The following CLYBL variants were observed in gnomAD, a reference collection of about 807,000 sequenced individuals.
The protein encoded by CLYBL is citramalyl-CoA lyase.
A neutral mutation model predicts 38.9 loss-of-function variants in CLYBL; 31 were observed. The ratio of observed to expected loss-of-function variants is 0.80; its 90% CI spans 0.60 to 1.08. The LOEUF (loss-of-function observed/expected upper bound fraction) is 1.08, where lower values mean the gene tolerates loss of function less well. Ranked by LOEUF, CLYBL falls within the 50% of genes least tolerant of loss-of-function variation. CLYBL has a pLI of 0.00. For synonymous variants in CLYBL, 171 were observed against 158.6 expected (o/e 1.08, Z -0.59); for missense variants, 434 against 411.6 (o/e 1.05, Z -0.47).
intron 1 of CLYBL, among the ~76,000 whole-genome samples, chr13:99,726,850 C>T (rs1001252927): frequency 5.9e-5 from 9 of 152,130 alleles, no homozygotes; most frequent in African/African-American, 2.2e-4. Flanking sequence ...AAAAGGCGTG[C>T]AAGGATGTAC....
intron 2 of CLYBL, among the ~76,000 whole-genome samples, chr13:99,810,415 G>C (rs2050317783): frequency 6.6e-6 from 1 of 152,212 alleles, no homozygotes; most frequent in Non-Finnish European, 1.5e-5. Context: ...GTGGGGTACA[G>C]TGGGGAGTGG....
chr13:99,878,213 G>A (rs1413304516), intron 7 of CLYBL, among the ~76,000 whole-genome samples: 2 of 152,316 alleles, frequency 1.3e-5, no homozygotes, highest in East Asian at 3.9e-4. Context: ...GAAAGAAGAT[G>A]TTTCCATCAA....
At chr13:99,858,309 C>A (rs1375892327) in intron 2 of CLYBL, among the ~76,000 whole-genome samples, 1 of 152,154 alleles carries the variant, frequency 6.6e-6, no homozygotes, top group Non-Finnish European at 1.5e-5. Flanking sequence ...TTCCTGTGAG[C>A]ATCTTCTTAA....
chr13:99,759,562 A>G (rs1445895755), intron 1 of CLYBL, among the ~76,000 whole-genome samples: 1 of 152,130 alleles, frequency 6.6e-6, no homozygotes. Flanking sequence ...CAGTGCAGAG[A>G]GATGTGAGAC....
At chr13:99,717,751 T>G (rs919260220) in intron 1 of CLYBL, among the ~76,000 whole-genome samples, 2 of 151,776 alleles carry the variant, frequency 1.3e-5, no homozygotes, top group African/African-American at 4.8e-5. Context: ...TGAGCCACTG[T>G]GAATTCACTG....
intron 7 of CLYBL, among the ~76,000 whole-genome samples, chr13:99,888,757 T>C (rs2052416566): frequency 6.6e-6 from 1 of 152,000 alleles, no homozygotes; most frequent in Admixed American, 6.6e-5. Flanking sequence ...TCAAAAAATA[T>C]ATAATAAATA....
At chr13:99,884,290 T>C (rs554360832) in intron 7 of CLYBL, among the ~76,000 whole-genome samples, 1 of 152,282 alleles carries the variant, frequency 6.6e-6, no homozygotes, top group East Asian at 1.9e-4. Flanking sequence ...AGCTCAGAGC[T>C]GGAAAGCTTT....
rs1444623334 is a variant in CLYBL at position 99,869,751 on chromosome 13, C to G, written c.803-1187C>G. Among the ~76,000 whole-genome samples the G allele has an allele frequency of 2.6e-5, 4 of 152,092 alleles. No individual in the cohort carries two copies. The South Asian group carries it at 8.3e-4, about 32-fold the overall frequency. On this transcript the variant is annotated intron_variant, in intron 6 of 8. Transcript: ENST00000339105. The surrounding 1 kb of genome is among the most constrained non-coding windows in gnomAD (Gnocchi z 4.3). Reference sequence around the variant, plus strand: ...AATTGACAGCAAGGATATAAAACATCAAGGATATAATTTCTACTGTCTAAA... The same window carrying G: ...AATTGACAGCAAGGATATAAAACATGAAGGATATAATTTCTACTGTCTAAA...
At chr13:99,847,318 A>G (rs147775267) in intron 2 of CLYBL, among the ~76,000 whole-genome samples, 1 of 152,240 alleles carries the variant, frequency 6.6e-6, no homozygotes, top group African/African-American at 2.4e-5. Flanking sequence ...AAAGCTAGGT[A>G]CGAGGTCCTT....
intron 1 of CLYBL, among the ~76,000 whole-genome samples, chr13:99,629,692 T>G (rs780550794): frequency 1.3e-5 from 2 of 152,138 alleles, no homozygotes; most frequent in Admixed American, 6.5e-5. Context: ...CAAAGACTGT[T>G]TCTTTAAAGT....
At chr13:99,729,792 TCTC>T (rs985191806) in intron 1 of CLYBL, among the ~76,000 whole-genome samples, 7 of 152,166 alleles carry the variant, frequency 4.6e-5, no homozygotes, top group African/African-American at 1.7e-4. Flanking sequence ...CCTTATGTGT[TCTC>T]CTGACTCCCT....
chr13:99,823,418 C>T (rs2050624911), intron 2 of CLYBL, among the ~76,000 whole-genome samples: 1 of 152,210 alleles, frequency 6.6e-6, no homozygotes, highest in Non-Finnish European at 1.5e-5. Flanking sequence ...ATTACAGGAT[C>T]ACACAAGATA....
intron 1 of CLYBL, among the ~76,000 whole-genome samples, chr13:99,686,977 TAA>T (rs1319475506): frequency 6.6e-6 from 1 of 152,222 alleles, no homozygotes; most frequent in Non-Finnish European, 1.5e-5. Context: ...GTTCTTTTTA[TAA>T]CTGTAACTTC....
chr13:99,670,537 G>C (rs1339923500), intron 1 of CLYBL, among the ~76,000 whole-genome samples: 1 of 152,080 alleles, frequency 6.6e-6, no homozygotes, highest in East Asian at 1.9e-4. Flanking sequence ...GCCTGTTTTA[G>C]GATTTAGAAA....
At chr13:99,896,692 G>A (rs1290981441), downstream of CLYBL, 1 of 152,252 alleles carries the variant, frequency 6.6e-6, no homozygotes, top group Non-Finnish European at 1.5e-5. Flanking sequence ...CGAATCAAGA[G>A]GAAAATGAAC....
chr13:99,716,166 G>A (rs1434259365), intron 1 of CLYBL, among the ~76,000 whole-genome samples: 2 of 42,856 alleles, frequency 4.7e-5, no homozygotes, highest in Admixed American at 2.6e-4. Context: ...CTTTATTGGT[G>A]TAATTTTTTT....
intron 2 of CLYBL, among the ~76,000 whole-genome samples, chr13:99,838,251 G>T (rs1279912193): frequency 1.3e-5 from 2 of 152,114 alleles, no homozygotes; most frequent in Non-Finnish European, 2.9e-5. Flanking sequence ...CCTACCATAA[G>T]ATGCATAGTA....
chr13:99,751,227 G>GTT (rs1437541711), intron 1 of CLYBL, among the ~76,000 whole-genome samples: 4 of 143,382 alleles, frequency 2.8e-5, no homozygotes, highest in East Asian at 4.0e-4. Flanking sequence ...AAGTTTTTTT[G>GTT]TTTTTTTTTT....
chr13:99,828,955 G>A (rs1268910615), intron 2 of CLYBL, among the ~76,000 whole-genome samples: 5 of 152,128 alleles, frequency 3.3e-5, no homozygotes, highest in African/African-American at 9.7e-5. Flanking sequence ...GGGATTCCTC[G>A]TGACGGAAGA....
Sources: allele counts gnomAD v4.1 joint callset (sites outside exome capture counted in the v4.1 genomes callset), GRCh38; gene constraint gnomAD v4.1.1; non-coding constraint Gnocchi (gnomAD v3.1); transcripts MANE v1.5; gene names NCBI Gene and HGNC (gene_info 2026-07-23, HGNC 2026-07-21).